The following NEBL variants were observed in gnomAD, a reference collection of about 807,000 sequenced individuals.
NEBL encodes LIM and SH3 protein 2.
NEBL carries 122 observed loss-of-function variants against 140.2 expected under a neutral mutation model. The observed-to-expected ratio is 0.87, with a 90% CI of 0.75 to 1.01. The LOEUF (loss-of-function observed/expected upper bound fraction) is 1.01. Among genes scored for constraint, NEBL ranks in the 50% least tolerant of loss-of-function variants. The probability of loss-of-function intolerance (pLI) is 0.00; values close to 1 mark genes in which losing one functional copy is unlikely to be tolerated. For synonymous variants in NEBL, 436 were observed against 398.9 expected, an observed-to-expected ratio of 1.09 and a Z score of -1.11; for missense variants, 1,365 against 1,231.3, an observed-to-expected ratio of 1.11 and a Z score of -1.62.
At chr10:20,953,331 G>A (rs952346154) in intron 4 of NEBL, among the ~76,000 whole-genome samples, 4 of 152,186 alleles carry the variant, frequency 2.6e-5, no homozygotes, top group African/African-American at 7.2e-5. Flanking sequence ...GGCCACATGA[G>A]GACACTGCAA....
At chr10:20,862,486 T>C (rs185750707) in intron 7 of NEBL, among the ~76,000 whole-genome samples, 154 of 152,298 alleles carry the variant, frequency 1.0e-3, no homozygotes, top group African/African-American at 3.6e-3. Flanking sequence ...TTGCAGTGAG[T>C]CACATCACTC....
At chr10:21,114,064 C>T (rs1310029133) in intron 2 of NEBL, among the ~76,000 whole-genome samples, 1 of 151,926 alleles carries the variant, frequency 6.6e-6, no homozygotes. Context: ...ATTAATTTCC[C>T]TTTAAGCATT....
intron 3 of NEBL, chr10:21,020,012 G>T: frequency 1.0e-6 from 1 of 993,840 alleles, no homozygotes; most frequent in Non-Finnish European, 1.6e-6. Flanking sequence ...CCTCCACACC[G>T]GCTGGTGACC....
chr10:20,884,408 A>C (rs933434370), intron 4 of NEBL, among the ~76,000 whole-genome samples: 1 of 152,166 alleles, frequency 6.6e-6, no homozygotes, highest in African/African-American at 2.4e-5. Context: ...GGTTTCACAG[A>C]TGCCCTGAAG....
intron 3 of NEBL, among the ~76,000 whole-genome samples, chr10:20,994,880 G>A (rs918176628): frequency 2.0e-5 from 3 of 150,148 alleles, no homozygotes; most frequent in Non-Finnish European, 4.4e-5. Flanking sequence ...GGAGGAGGAG[G>A]TAGAGGGGGG....
At chr10:20,939,598 C>A (rs1468318269) in intron 4 of NEBL, among the ~76,000 whole-genome samples, 2 of 151,688 alleles carry the variant, frequency 1.3e-5, no homozygotes, top group Admixed American at 6.6e-5. Flanking sequence ...TAACCTTAAA[C>A]GTAAATGGGC....
At chr10:20,796,175 C>A (rs1281256847) in intron 26 of NEBL, among the ~76,000 whole-genome samples, 2 of 151,618 alleles carry the variant, frequency 1.3e-5, no homozygotes, top group Non-Finnish European at 2.9e-5. Context: ...ACCAGCCTGG[C>A]CAACACAGTG....
intron 4 of NEBL, among the ~76,000 whole-genome samples, chr10:20,945,307 C>A (rs185705921): frequency 2.6e-5 from 4 of 152,248 alleles, no homozygotes; most frequent in African/African-American, 9.6e-5. Flanking sequence ...TTACTCTGTA[C>A]TCCAAAAATT....
chr10:20,829,406 A>C (rs1262940258), intron 16 of NEBL, among the ~76,000 whole-genome samples: 1 of 142,668 alleles, frequency 7.0e-6, no homozygotes. Context: ...TGGACACAGG[A>C]AGGGGAACAT....
intron 2 of NEBL, among the ~76,000 whole-genome samples, chr10:21,043,612 T>C (rs1378769642): frequency 6.6e-6 from 1 of 152,234 alleles, no homozygotes; most frequent in Non-Finnish European, 1.5e-5. Flanking sequence ...TCCTTTGTAC[T>C]GAAAAAGAAC....
chr10:21,263,603 C>CAAT (rs1842765583), intron 1 of NEBL, among the ~76,000 whole-genome samples: 1 of 152,132 alleles, frequency 6.6e-6, no homozygotes, highest in Non-Finnish European at 1.5e-5. Context: ...ATTATTCTTG[C>CAAT]TTTAAAATTA....
At chr10:21,202,012 G>A (rs181304905) in intron 3 of NEBL, among the ~76,000 whole-genome samples, 5 of 152,160 alleles carry the variant, frequency 3.3e-5, no homozygotes, top group African/African-American at 9.6e-5. Context: ...TGGGTATTTT[G>A]CACTGTAGTC....
intron 4 of NEBL, among the ~76,000 whole-genome samples, chr10:20,922,038 C>T (rs576091113): frequency 6.6e-6 from 1 of 152,300 alleles, no homozygotes; most frequent in South Asian, 2.1e-4. Context: ...TAAGTAGGCT[C>T]CTAAAATTGT....
chr10:21,109,507 G>T (rs1408295830), intron 2 of NEBL, among the ~76,000 whole-genome samples: 1 of 152,144 alleles, frequency 6.6e-6, no homozygotes, highest in Non-Finnish European at 1.5e-5. Context: ...GATGATGCTG[G>T]CCTCATAAAA....
At chr10:20,806,721 G>C (rs72785567) in intron 26 of NEBL, among the ~76,000 whole-genome samples, 12,682 of 152,274 alleles carry the variant, frequency 0.083, 595 homozygotes, top group African/African-American at 0.11. Flanking sequence ...TGCATTGCCA[G>C]ATCTAAGCTC....
At chr10:21,146,169 G>A (rs958467077) in intron 2 of NEBL, among the ~76,000 whole-genome samples, 8 of 152,180 alleles carry the variant, frequency 5.3e-5, no homozygotes, top group Admixed American at 2.0e-4. Flanking sequence ...ACAGGCCTGC[G>A]TCGCTGCTTA....
At chr10:20,870,915 G>A (rs1367715072) in intron 5 of NEBL, among the ~76,000 whole-genome samples, 1 of 152,150 alleles carries the variant, frequency 6.6e-6, no homozygotes, top group Non-Finnish European at 1.5e-5. Flanking sequence ...GACAAAAATT[G>A]AACTGGCATA....
chr10:21,191,554 C>T (rs951793977), intron 3 of NEBL, among the ~76,000 whole-genome samples: 1 of 152,158 alleles, frequency 6.6e-6, no homozygotes, highest in Non-Finnish European at 1.5e-5. Flanking sequence ...AATGTCCTAT[C>T]GTATTGCCAG....
chr10:20,987,456 C>T (rs138148717), intron 3 of NEBL, among the ~76,000 whole-genome samples: 5 of 152,248 alleles, frequency 3.3e-5, no homozygotes, highest in Non-Finnish European at 7.4e-5. Flanking sequence ...TTTCTTTGTG[C>T]TTTCTCAGTG....
Sources: gnomAD v4.1 joint callset for allele counts (sites outside exome capture counted in the v4.1 genomes callset) on GRCh38, gnomAD v4.1.1 for gene constraint, MANE v1.5 for transcripts, NCBI Gene and HGNC (gene_info 2026-07-23, HGNC 2026-07-21) for gene names.